The following UBE3D variants were observed in gnomAD, a reference collection of about 807,000 sequenced individuals.
The protein encoded by UBE3D is ubiquitin protein ligase E3D.
A neutral mutation model predicts 49.6 loss-of-function variants in UBE3D; 48 were observed. The observed-to-expected ratio is 0.97, with a 90% CI of 0.77 to 1.23. UBE3D has a LOEUF of 1.23. Ranked by LOEUF, UBE3D falls within the 50% of genes most tolerant of loss-of-function variation. The probability of loss-of-function intolerance (pLI) is 0.00; values close to 1 mark genes in which losing one functional copy is unlikely to be tolerated. For missense variants in UBE3D, 452 were observed against 468.4 expected, an observed-to-expected ratio of 0.96 and a Z score of 0.32; for synonymous variants, 189 against 174.2, an observed-to-expected ratio of 1.08 and a Z score of -0.67.
At chr6:82,918,319 C>CAA (rs1000355370) in intron 9 of UBE3D, among the ~76,000 whole-genome samples, 4 of 151,450 alleles carry the variant, frequency 2.6e-5, no homozygotes, top group African/African-American at 9.7e-5. Flanking sequence ...TAAACCCTTT[C>CAA]ATTTCCTGAA....
intron 8 of UBE3D, among the ~76,000 whole-genome samples, chr6:82,957,829 G>A (rs1018805843): frequency 6.6e-6 from 1 of 152,102 alleles, no homozygotes; most frequent in Non-Finnish European, 1.5e-5. Context: ...CCTAAGAGAA[G>A]GAACTATTGT....
At chr6:82,977,938 G>A (rs1413532788) in intron 8 of UBE3D, among the ~76,000 whole-genome samples, 2 of 152,088 alleles carry the variant, frequency 1.3e-5, no homozygotes, top group African/African-American at 2.4e-5. Context: ...CTACAAAAAA[G>A]CTGAACATAT....
At chr6:82,956,587 C>T (rs1276251737) in intron 9 of UBE3D, among the ~76,000 whole-genome samples, 2 of 152,132 alleles carry the variant, frequency 1.3e-5, no homozygotes, top group African/African-American at 2.4e-5. Context: ...TGTTAAACAT[C>T]CATTTGGCAA....
chr6:83,058,481 C>T (rs922351561), intron 1 of UBE3D, among the ~76,000 whole-genome samples: 5 of 152,296 alleles, frequency 3.3e-5, no homozygotes, highest in African/African-American at 1.2e-4. Context: ...CAATTCAGAG[C>T]AAACACAAAT....
At chr6:82,904,702 TTTAA>T (rs1771974868) in intron 9 of UBE3D, among the ~76,000 whole-genome samples, 1 of 152,200 alleles carries the variant, frequency 6.6e-6, no homozygotes, top group Non-Finnish European at 1.5e-5. Context: ...CAAATTCATG[TTTAA>T]TTGTTTATTT....
At chr6:82,943,926 G>A (rs1254965783) in intron 9 of UBE3D, among the ~76,000 whole-genome samples, 2 of 152,146 alleles carry the variant, frequency 1.3e-5, no homozygotes, top group African/African-American at 2.4e-5. Context: ...CAGGGAGCAT[G>A]CAGATCAACC....
intron 9 of UBE3D, among the ~76,000 whole-genome samples, chr6:82,905,853 A>T (rs1055213850): frequency 2.6e-5 from 4 of 152,132 alleles, no homozygotes; most frequent in African/African-American, 9.7e-5. Context: ...TTCAAATGTT[A>T]ATATATTCTC....
chr6:82,983,738 TCA>T (rs1346354136), intron 8 of UBE3D, among the ~76,000 whole-genome samples: 2 of 152,106 alleles, frequency 1.3e-5, no homozygotes, highest in African/African-American at 4.8e-5. Flanking sequence ...TACAACAGTC[TCA>T]GTTTATTACT....
rs1784461905 is a variant in UBE3D at position 83,065,748 on chromosome 6, G to C, written c.-30C>G. 3 of 1,596,128 alleles carry C rather than the reference G, an allele frequency of 1.9e-6. No individual in the cohort carries two copies. Among genetic ancestry groups the C allele is most frequent in the Non-Finnish European group, 2.6e-6 (3 of 1,171,290 alleles). On this transcript the variant is annotated 5_prime_UTR_variant, in exon 1 of 10. Coordinates refer to ENST00000369747, the MANE Select transcript of UBE3D (RefSeq NM_198920.3). ...GGCTTCCAGTCCCAGACCGGACCAA[G>C]CTGGAGGTTCCGAGGGGCCCGGGTC...
intron 8 of UBE3D, among the ~76,000 whole-genome samples, chr6:82,969,687 A>G (rs1777209104): frequency 6.6e-6 from 1 of 152,168 alleles, no homozygotes; most frequent in Admixed American, 6.6e-5. Context: ...ACCTTACTCA[A>G]GAACATAAAA....
At chr6:82,901,193 A>T (rs1771706196) in intron 9 of UBE3D, among the ~76,000 whole-genome samples, 2 of 152,160 alleles carry the variant, frequency 1.3e-5, no homozygotes, top group South Asian at 4.1e-4. Flanking sequence ...GTATTGTGGT[A>T]ATTTTCAAAT....
chr6:82,929,228 A>T (rs1365156007), intron 9 of UBE3D, among the ~76,000 whole-genome samples: 1 of 152,182 alleles, frequency 6.6e-6, no homozygotes, highest in Non-Finnish European at 1.5e-5. Flanking sequence ...TTTGTCTTAC[A>T]TAACTGTGGG....
chr6:82,978,748 C>G (rs1231737675), intron 8 of UBE3D, among the ~76,000 whole-genome samples: 2 of 152,124 alleles, frequency 1.3e-5, no homozygotes, highest in African/African-American at 4.8e-5. Context: ...TTTAAATATA[C>G]AAAATACACA....
At chr6:82,910,275 G>A (rs886217249) in intron 9 of UBE3D, among the ~76,000 whole-genome samples, 1 of 152,132 alleles carries the variant, frequency 6.6e-6, no homozygotes, top group Admixed American at 6.6e-5. Context: ...CTAAATCTCT[G>A]TATATCTCTC....
In UBE3D at chr6:83,065,733, C is replaced by A; in HGVS notation, c.-15G>T. The A allele has an allele frequency of 6.2e-7, 1 of 1,606,514 alleles. No individual in the cohort carries two copies. The highest frequency in any genetic ancestry group is 8.5e-7 in the Non-Finnish European group (1 of 1,176,678). Reference sequence around the variant, plus strand: ...GAAGCCGCCATGGCAGGCTTCCAGTCCCAGACCGGACCAAGCTGGAGGTTC... The same window carrying A: ...GAAGCCGCCATGGCAGGCTTCCAGTACCAGACCGGACCAAGCTGGAGGTTC... On this transcript the variant is annotated 5_prime_UTR_variant, in exon 1 of 10. Transcript: ENST00000369747.
intron 9 of UBE3D, among the ~76,000 whole-genome samples, chr6:82,897,491 T>C (rs1270118857): frequency 6.6e-6 from 1 of 152,070 alleles, no homozygotes; most frequent in African/African-American, 2.4e-5. Context: ...CTTGGGAGGC[T>C]GAGGCAGGAG....
chr6:83,023,199 C>T (rs1010085886), intron 6 of UBE3D, among the ~76,000 whole-genome samples: 1 of 152,038 alleles, frequency 6.6e-6, no homozygotes, highest in Non-Finnish European at 1.5e-5. Context: ...TTGAAACTGA[C>T]CCATGTTTCA....
chr6:82,919,032 C>G lies in UBE3D; in HGVS notation c.1150-25990G>C, dbSNP rs192591351. Among the ~76,000 whole-genome samples, 145 of 152,156 alleles carry G rather than the reference C, an allele frequency of 9.5e-4. 3 individuals carry two copies. Among genetic ancestry groups the G allele is most frequent in the Non-Finnish European group, 3.1e-4 (21 of 68,018 alleles). ...AGAGTAGCAGGACTTAGATCCATCT[C>G]CTGGTGTTTTGGTAACAGATTCATT... On this transcript the variant is annotated intron_variant, in intron 9 of 9. Coordinates refer to ENST00000369747, the MANE Select transcript of UBE3D (RefSeq NM_198920.3).
At chr6:82,953,859 G>A (rs1342472777) in intron 9 of UBE3D, among the ~76,000 whole-genome samples, 1 of 152,208 alleles carries the variant, frequency 6.6e-6, no homozygotes, top group South Asian at 2.1e-4. Context: ...GTGAAGAAGG[G>A]GGGTCAGGTT....
Sources: gnomAD v4.1 joint callset for allele counts (sites outside exome capture counted in the v4.1 genomes callset) on GRCh38, gnomAD v4.1.1 for gene constraint, MANE v1.5 for transcripts, NCBI Gene and HGNC (gene_info 2026-07-23, HGNC 2026-07-21) for gene names.